The following CCDC175 variants were observed in gnomAD, a reference collection of about 807,000 sequenced individuals.
CCDC175 encodes coiled-coil domain-containing protein 175.
A neutral mutation model predicts 114.6 loss-of-function variants in CCDC175; 100 were observed. The ratio of observed to expected loss-of-function variants is 0.87; its 90% CI spans 0.74 to 1.03. CCDC175 has a LOEUF of 1.03. CCDC175 is among the 50% of genes least tolerant of loss of function. The pLI, the probability that CCDC175 is intolerant of heterozygous loss-of-function variation, is 0.00. For missense variants in CCDC175, 880 were observed against 917.8 expected, an observed-to-expected ratio of 0.96 and a Z score of 0.53; for synonymous variants, 306 against 308.7, an observed-to-expected ratio of 0.99 and a Z score of 0.09.
intron 3 of CCDC175, among the ~76,000 whole-genome samples, chr14:59,568,625 T>C (rs746434608): frequency 2.0e-5 from 3 of 152,188 alleles, no homozygotes; most frequent in Non-Finnish European, 2.9e-5. Flanking sequence ...TGATAGTGCC[T>C]GATTCCCGCC....
intron 1 of CCDC175, among the ~76,000 whole-genome samples, chr14:59,575,592 C>T (rs935794707): frequency 6.7e-6 from 1 of 150,224 alleles, no homozygotes; most frequent in African/African-American, 2.5e-5. Flanking sequence ...TCACCACAAC[C>T]TCTGCCTTCT....
At chr14:59,561,348 C>A (rs1045816489) in intron 6 of CCDC175, 120 bp from the exon 7 acceptor site, 3 of 476,824 alleles carry the variant, frequency 6.3e-6, no homozygotes, top group South Asian at 4.6e-5. Flanking sequence ...GAGTGTACTT[C>A]AAGGAAAAAA....
At chr14:59,536,185 C>T (rs1184078594) in intron 13 of CCDC175, among the ~76,000 whole-genome samples, 1 of 152,100 alleles carries the variant, frequency 6.6e-6, no homozygotes, top group Non-Finnish European at 1.5e-5. Flanking sequence ...TATTCAGCAA[C>T]CCCACCCCCT....
chr14:59,531,940 T>C, intron 13 of CCDC175, 30 bp from the exon 14 acceptor site: 1 of 1,017,720 alleles, frequency 9.8e-7, no homozygotes, highest in Non-Finnish European at 1.4e-6. Context: ...AATTGAGAAA[T>C]ATAATTTTGG....
intron 19 of CCDC175, among the ~76,000 whole-genome samples, chr14:59,508,271 G>A (rs186054373): frequency 1.1e-4 from 16 of 151,966 alleles, no homozygotes; most frequent in African/African-American, 3.4e-4. Context: ...GCCCCGCTTT[G>A]TTTAGTCCAA....
intron 16 of CCDC175, 87 bp from the exon 17 acceptor site, chr14:59,521,763 T>C: frequency 1.3e-6 from 1 of 756,996 alleles, no homozygotes; most frequent in Non-Finnish European, 2.2e-6. Context: ...CATGTATAAA[T>C]TCCTCCTCTG....
chr14:59,534,597 T>C (rs1426870124), intron 13 of CCDC175, among the ~76,000 whole-genome samples: 1 of 152,202 alleles, frequency 6.6e-6, no homozygotes, highest in African/African-American at 2.4e-5. Context: ...TAATAAACCC[T>C]TTTCCTGGCA....
chr14:59,564,048 A>C (rs1439653839), intron 5 of CCDC175, among the ~76,000 whole-genome samples, 189 bp from the exon 6 acceptor site: 1 of 152,202 alleles, frequency 6.6e-6, no homozygotes, highest in Non-Finnish European at 1.5e-5. Flanking sequence ...AGGAAAAAGC[A>C]TGAGCCACAA....
intron 6 of CCDC175, among the ~76,000 whole-genome samples, chr14:59,563,209 ATACT>A (rs1316253571): frequency 6.6e-6 from 1 of 152,154 alleles, no homozygotes; most frequent in Non-Finnish European, 1.5e-5. Context: ...TCCTCACAAA[ATACT>A]TACCACAGTG....
At chr14:59,523,545 G>T (rs967970281) in intron 16 of CCDC175, among the ~76,000 whole-genome samples, 1 of 152,120 alleles carries the variant, frequency 6.6e-6, no homozygotes, top group African/African-American at 2.4e-5. Flanking sequence ...AGTCTTAAAC[G>T]TCAAATGAGA....
rs181702785 is a variant in CCDC175 at position 59,536,459 on chromosome 14, G to A, written c.1623+1564C>T. Among the ~76,000 whole-genome samples the A allele has an allele frequency of 3.6e-4, 55 of 151,392 alleles. No homozygotes were observed. The East Asian group carries it at 9.4e-3, about 26-fold the overall frequency. Reference sequence around the variant, plus strand: ...TCATCTCATTTATTTTCATTCCCCCGTGCTAGATAGAAAGCTCCATAAAGG... The same window carrying A: ...TCATCTCATTTATTTTCATTCCCCCATGCTAGATAGAAAGCTCCATAAAGG... On this transcript the variant is annotated intron_variant, in intron 13 of 19. Coordinates refer to ENST00000537690, the MANE Select transcript of CCDC175 (RefSeq NM_001164399.2).
At chr14:59,517,058 A>G (rs2139970268) in intron 17 of CCDC175, among the ~76,000 whole-genome samples, 1 of 152,370 alleles carries the variant, frequency 6.6e-6, no homozygotes, top group South Asian at 2.1e-4. Flanking sequence ...AACAGAACCA[A>G]AGACAAAAAC....
intron 18 of CCDC175, 116 bp downstream of exon 18, chr14:59,511,644 C>A: frequency 1.8e-6 from 1 of 558,198 alleles, no homozygotes; most frequent in Non-Finnish European, 2.8e-6. Flanking sequence ...GAATTTCCAC[C>A]CTGATGCGTG....
intron 14 of CCDC175, 34 bp downstream of exon 14, chr14:59,531,738 G>A (rs913066178): frequency 9.2e-6 from 13 of 1,405,792 alleles, no homozygotes; most frequent in African/African-American, 7.3e-5. Flanking sequence ...CCTTACCTGG[G>A]ATTGAGTTTA....
chr14:59,516,134 G>T (rs572608795), intron 17 of CCDC175, among the ~76,000 whole-genome samples: 81 of 152,168 alleles, frequency 5.3e-4, no homozygotes, highest in African/African-American at 1.7e-3. Flanking sequence ...ACAAAGACAC[G>T]ACATACCAGA....
chr14:59,512,447 G>A lies in CCDC175; in HGVS notation c.2099-644C>T, dbSNP rs145699906. Among the ~76,000 whole-genome samples the A allele has an allele frequency of 9.6e-3, 1,456 of 152,330 alleles. 12 individuals are homozygous for A. Among genetic ancestry groups the A allele is most frequent in the South Asian group, 0.021 (101 of 4,822 alleles). Reference sequence around the variant, plus strand: ...CCTGGTTGGCAACACTTTGTATGTGGAGTCACACGTTGTTGGGGAAATTAA... The same window carrying A: ...CCTGGTTGGCAACACTTTGTATGTGAAGTCACACGTTGTTGGGGAAATTAA... On this transcript the variant is annotated intron_variant, in intron 17 of 19. Transcript: ENST00000537690.
intron 3 of CCDC175, among the ~76,000 whole-genome samples, chr14:59,572,160 C>T (rs189658620): frequency 6.6e-6 from 1 of 152,256 alleles, no homozygotes; most frequent in Non-Finnish European, 1.5e-5. Flanking sequence ...TTATTCACAA[C>T]AGCTAAAAGA....
chr14:59,516,331 A>T (rs1465799886), intron 17 of CCDC175, among the ~76,000 whole-genome samples: 1 of 152,218 alleles, frequency 6.6e-6, no homozygotes, highest in African/African-American at 2.4e-5. Context: ...GCAGAACTGA[A>T]GGAAATAGAG....
At chr14:59,516,611 T>A (rs192826043) in intron 17 of CCDC175, among the ~76,000 whole-genome samples, 5,250 of 152,296 alleles carry the variant, frequency 0.034, 153 homozygotes, top group Middle Eastern at 0.097. Context: ...CTCCGAAGAC[T>A]AAACCAGGAA....
Sources: allele counts gnomAD v4.1 joint callset (sites outside exome capture counted in the v4.1 genomes callset), GRCh38; gene constraint gnomAD v4.1.1; transcripts MANE v1.5; gene names NCBI Gene and HGNC (gene_info 2026-07-23, HGNC 2026-07-21).